Variants in DPP10 observed in about 807,000 individuals in gnomAD.
The protein encoded by DPP10 is inactive dipeptidyl peptidase 10.
DPP10 carries 33 observed loss-of-function variants against 120.9 expected under a neutral mutation model. That is an observed-to-expected ratio of 0.27 (90% confidence interval 0.21 to 0.37). The LOEUF (loss-of-function observed/expected upper bound fraction) is 0.37, where lower values mean the gene tolerates loss of function less well. Ranked by LOEUF, DPP10 falls within the 10% of genes least tolerant of loss-of-function variation. The pLI is 1.00. For missense variants in DPP10, 816 were observed against 942.8 expected, an observed-to-expected ratio of 0.87 and a Z score of 1.76; for synonymous variants, 337 against 326.1, an observed-to-expected ratio of 1.03 and a Z score of -0.36.
At chr2:115,828,747 T>C (rs1293923873) in intron 21 of DPP10, among the ~76,000 whole-genome samples, 1 of 152,138 alleles carries the variant, frequency 6.6e-6, no homozygotes, top group Non-Finnish European at 1.5e-5. Flanking sequence ...ATATTTTTAG[T>C]CATTTCATGT....
At chr2:114,480,633 C>T (rs1680943194) in intron 1 of DPP10, among the ~76,000 whole-genome samples, 1 of 145,924 alleles carries the variant, frequency 6.9e-6, no homozygotes, top group African/African-American at 2.6e-5. Context: ...CACATGTTCT[C>T]ACTCATAGGT....
intron 1 of DPP10, among the ~76,000 whole-genome samples, chr2:114,452,118 T>G (rs754497566): frequency 6.6e-6 from 1 of 152,298 alleles, no homozygotes; most frequent in East Asian, 1.9e-4. Context: ...TCTTTAATAT[T>G]TGAAAATAAT....
At chr2:114,935,101 A>T (rs951858453) in intron 1 of DPP10, among the ~76,000 whole-genome samples, 3 of 152,130 alleles carry the variant, frequency 2.0e-5, no homozygotes, top group African/African-American at 7.2e-5. Context: ...TACTCATGTA[A>T]CCATGTCATT....
At chr2:114,847,369 C>T (rs1297493560) in intron 1 of DPP10, among the ~76,000 whole-genome samples, 1 of 152,126 alleles carries the variant, frequency 6.6e-6, no homozygotes, top group Non-Finnish European at 1.5e-5. Flanking sequence ...TCCTGAGCAC[C>T]TTTTATCTCC....
At chr2:115,335,591 A>G (rs968971312) in intron 2 of DPP10, among the ~76,000 whole-genome samples, 2 of 152,100 alleles carry the variant, frequency 1.3e-5, no homozygotes, top group Non-Finnish European at 2.9e-5. Flanking sequence ...TACTAAAACA[A>G]AATCTTAGGA....
chr2:115,307,400 A>G (rs1388328661), intron 1 of DPP10, among the ~76,000 whole-genome samples: 1 of 152,106 alleles, frequency 6.6e-6, no homozygotes, highest in Non-Finnish European at 1.5e-5. Context: ...TCTCTTACTG[A>G]ATTGAAAAGT....
At chr2:114,991,987 C>A (rs1457525023) in intron 1 of DPP10, among the ~76,000 whole-genome samples, 1 of 152,198 alleles carries the variant, frequency 6.6e-6, no homozygotes, top group Admixed American at 6.5e-5. Context: ...TGGCCAAGGA[C>A]CACAGTCATG....
intron 1 of DPP10, among the ~76,000 whole-genome samples, chr2:114,534,144 A>G (rs1458182951): frequency 6.6e-6 from 1 of 152,212 alleles, no homozygotes; most frequent in African/African-American, 2.4e-5. Flanking sequence ...AACTCATTCA[A>G]AATGATGGGA....
At chr2:115,675,437 A>C (rs2090180421) in intron 5 of DPP10, among the ~76,000 whole-genome samples, 1 of 76,724 alleles carries the variant, frequency 1.3e-5, no homozygotes. Context: ...GAACCATAAC[A>C]GCAAACCACA....
rs373205481 is a variant in DPP10, at chr2:115,128,752, C to G, written c.61-180487C>G. ...TATTTTCTAGTAGAATAATGTCCTG[C>G]AGAAGATAATTTGGGTGATCCCAGT... On this transcript the variant is annotated intron_variant, in intron 1 of 25. Coordinates refer to ENST00000410059, the MANE Select transcript of DPP10 (RefSeq NM_020868.6). Among the ~76,000 whole-genome samples the G allele has an allele frequency of 5.1e-4, 78 of 152,266 alleles. 1 individual carries two copies. The highest frequency in any genetic ancestry group is 1.2e-3 in the African/African-American group (48 of 41,564).
At chr2:115,367,747 T>C (rs13017848) in intron 3 of DPP10, among the ~76,000 whole-genome samples, 99,973 of 151,788 alleles carry the variant, frequency 0.66, 33,560 homozygotes, top group Admixed American at 0.75. Context: ...CTTTTTGTTA[T>C]GTGTATGACT....
intron 1 of DPP10, among the ~76,000 whole-genome samples, chr2:114,674,408 T>C (rs1169036420): frequency 1.3e-5 from 2 of 152,138 alleles, no homozygotes; most frequent in South Asian, 4.1e-4. Context: ...GATTTCTTGA[T>C]TTTACCATAA....
At chr2:115,448,835 A>C (rs2072854808) in intron 3 of DPP10, among the ~76,000 whole-genome samples, 1 of 152,074 alleles carries the variant, frequency 6.6e-6, no homozygotes, top group African/African-American at 2.4e-5. Context: ...TGTTTGAAAA[A>C]GTTCTCCCTA....
intron 1 of DPP10, among the ~76,000 whole-genome samples, chr2:114,796,199 C>CA (rs1683695735): frequency 2.6e-5 from 4 of 152,110 alleles, no homozygotes; most frequent in Admixed American, 1.3e-4. Flanking sequence ...CACCATGAGA[C>CA]CCATGCAAAG....
intron 1 of DPP10, among the ~76,000 whole-genome samples, chr2:115,215,873 A>C (rs966090200): frequency 2.0e-5 from 3 of 152,292 alleles, no homozygotes; most frequent in African/African-American, 7.2e-5. Flanking sequence ...TTGCATTACT[A>C]TTCACAATAG....
In DPP10 at chr2:114,532,256, CATATATATATATATAT is replaced by C. The variant is rs66716319; in HGVS notation, c.60+89444_60+89459del. Among the ~76,000 whole-genome samples, 207 of 86,260 alleles carry C rather than the reference CATATATATATATATAT, an allele frequency of 2.4e-3. 4 individuals are homozygous for C. The highest frequency in any genetic ancestry group is 0.012 in the South Asian group (38 of 3,096). 56.6% of individuals were successfully genotyped at this position (86,260 alleles called of 152,430 possible). On this transcript the variant is annotated intron_variant, in intron 1 of 25. Coordinates refer to ENST00000410059, the MANE Select transcript of DPP10 (RefSeq NM_020868.6). ...CGAGCCAATTCCCATAATAAATCTCCATATATATATATATATATATATATATATATATATATATATA... is the reference window on the plus strand; with the variant it reads ...CGAGCCAATTCCCATAATAAATCTCCATATATATATATATATATATATATA...
intron 1 of DPP10, among the ~76,000 whole-genome samples, chr2:115,057,679 T>A (rs895326484): frequency 1.3e-5 from 2 of 152,212 alleles, no homozygotes; most frequent in African/African-American, 4.8e-5. Flanking sequence ...AAGGATGTGG[T>A]AAATTATTCA....
intron 1 of DPP10, among the ~76,000 whole-genome samples, chr2:115,169,053 G>T (rs1205288744): frequency 6.6e-6 from 1 of 151,800 alleles, no homozygotes; most frequent in African/African-American, 2.4e-5. Flanking sequence ...AACATTTTTG[G>T]AATTGCCAAA....
At chr2:114,599,178 CGAG>C (rs1558920155) in intron 1 of DPP10, among the ~76,000 whole-genome samples, 1 of 151,760 alleles carries the variant, frequency 6.6e-6, no homozygotes, top group East Asian at 1.9e-4. Context: ...TCAAGAAAAA[CGAG>C]GAAGTCAAAA....
Sources: gnomAD v4.1 joint callset for allele counts (sites outside exome capture counted in the v4.1 genomes callset) on GRCh38, gnomAD v4.1.1 for gene constraint, MANE v1.5 for transcripts, NCBI Gene and HGNC (gene_info 2026-07-23, HGNC 2026-07-21) for gene names.